Variants in FRMPD4 observed in about 807,000 individuals in gnomAD.
FRMPD4 encodes FERM and PDZ domain containing 4.
Under a neutral mutation model 94.1 loss-of-function variants are expected in FRMPD4, and 22 were observed. The observed-to-expected ratio is 0.23, with a 90% CI of 0.17 to 0.33. The LOEUF is 0.33. FRMPD4 is among the 10% of genes least tolerant of loss of function. The pLI is 1.00. For missense variants in FRMPD4, 1,111 were observed against 1,339.9 expected, an observed-to-expected ratio of 0.83 and a Z score of 2.67; for synonymous variants, 631 against 548.6, an observed-to-expected ratio of 1.15 and a Z score of -2.10.
At chrX:12,282,577 A>G (rs2054542081) in intron 1 of FRMPD4, among the ~76,000 whole-genome samples, 1 of 111,097 alleles carries the variant, frequency 9.0e-6, no homozygotes, top group African/African-American at 3.3e-5. Context: ...ATTCAAACAA[A>G]TCTAGTTTTA....
At chrX:12,456,562 A>T (rs5935349) in intron 1 of FRMPD4, among the ~76,000 whole-genome samples, 1 of 110,683 alleles carries the variant, frequency 9.0e-6, no homozygotes, top group Non-Finnish European at 1.9e-5. Context: ...AAACACAGAA[A>T]GAAATCACCA....
chrX:12,095,031 C>G (rs1423999215), intron 3 of FRMPD4, among the ~76,000 whole-genome samples: 1 of 111,471 alleles, frequency 9.0e-6, no homozygotes, highest in Non-Finnish European at 1.9e-5. Flanking sequence ...CTAAATTCAG[C>G]TCACTGTCTA....
chrX:11,933,650 A>G (rs1420168655), intron 3 of FRMPD4, among the ~76,000 whole-genome samples: 1 of 112,754 alleles, frequency 8.9e-6, no homozygotes, highest in Non-Finnish European at 1.9e-5. Context: ...TCAGGAGCCA[A>G]CTGTACTCAT....
intron 3 of FRMPD4, among the ~76,000 whole-genome samples, chrX:11,894,789 C>G (rs921941935): frequency 7.6e-4 from 85 of 112,193 alleles, no homozygotes; most frequent in African/African-American, 2.4e-3. Flanking sequence ...AGGCTCTTTC[C>G]AGGTAATGTT....
intron 1 of FRMPD4, among the ~76,000 whole-genome samples, chrX:11,863,180 C>T (rs1275152438): frequency 1.9e-5 from 2 of 107,517 alleles, no homozygotes; most frequent in African/African-American, 6.8e-5. Context: ...TCTCCCCCCA[C>T]CCCACAACAG....
In FRMPD4 at chrX:12,717,847, C is replaced by A; in HGVS notation, c.3021C>A (p.Val1007=). ...CTGAAACTATGGAGACTAAGTCGGT[C>A]ACTGACTATTTTAGCAAACTGCACA... is the stretch of plus-strand genomic sequence containing the variant. ...MEPETMETKS[V]TDYFSKLHMG... is the part of the protein sequence containing the mutation. Residue 1007 remains valine, a synonymous_variant, in exon 16 of 17, where the codon GTC becomes GTA. Transcript: ENST00000675598. 8.3e-7 allele frequency: 1 copy of A among 1,210,399 alleles called. No homozygotes were observed. Among genetic ancestry groups the A allele is most frequent in the South Asian group, 1.8e-5 (1 of 56,976 alleles).
At chrX:11,879,291 T>A (rs1477234844) in intron 3 of FRMPD4, among the ~76,000 whole-genome samples, 1 of 111,741 alleles carries the variant, frequency 8.9e-6, no homozygotes, top group Non-Finnish European at 1.9e-5. Flanking sequence ...TGATTGAATG[T>A]TTGGGCTCTG....
At chrX:12,575,055 C>T (rs778517284) in intron 2 of FRMPD4, among the ~76,000 whole-genome samples, 2 of 111,721 alleles carry the variant, frequency 1.8e-5, no homozygotes, top group East Asian at 2.8e-4. Context: ...AGAGAGACTG[C>T]CAGTCCCTTG....
chrX:12,710,391 T>C lies in FRMPD4; in HGVS notation c.1471-8T>C, dbSNP rs762713937. ...ATGGCTTTAACCAAAGTGTTCTCTT[T>C]TGTGTAGCCTATCACGCTTCTGATG... On this transcript the variant is annotated splice_polypyrimidine_tract_variant and splice_region_variant and intron_variant, in intron 13 of 16. Transcript: ENST00000675598. 6 of 1,195,236 alleles carry C rather than the reference T, an allele frequency of 5.0e-6. No individual in the cohort carries two copies. The East Asian group carries it at 1.5e-4, about 30-fold the overall frequency.
At chrX:12,282,097 T>G (rs186208695) in intron 1 of FRMPD4, among the ~76,000 whole-genome samples, 120 of 112,686 alleles carry the variant, frequency 1.1e-3, no homozygotes, top group African/African-American at 3.7e-3. Context: ...TATCCCTTCA[T>G]AGTGATTCTG....
chrX:11,914,395 G>A (rs1403299417), intron 3 of FRMPD4, among the ~76,000 whole-genome samples: 1 of 107,309 alleles, frequency 9.3e-6, no homozygotes, highest in Non-Finnish European at 1.9e-5. Context: ...TGCCAGGCAA[G>A]TAAACTAAAA....
intron 2 of FRMPD4, among the ~76,000 whole-genome samples, chrX:11,866,678 GT>G (rs2053721118): frequency 8.9e-6 from 1 of 111,967 alleles, no homozygotes; most frequent in Non-Finnish European, 1.9e-5. Context: ...CTTAAAATAG[GT>G]TTTTAAACAT....
chrX:12,162,040 T>C (rs2056035053), intron 1 of FRMPD4, among the ~76,000 whole-genome samples: 1 of 111,703 alleles, frequency 9.0e-6, no homozygotes, highest in African/African-American at 3.3e-5. Flanking sequence ...CTGCATTAAA[T>C]GAGTGTGATC....
intron 1 of FRMPD4, among the ~76,000 whole-genome samples, chrX:12,337,305 T>A (rs2055543087): frequency 8.9e-6 from 1 of 112,033 alleles, no homozygotes; most frequent in Non-Finnish European, 1.9e-5. Flanking sequence ...AAAATATCAT[T>A]ACTGTCATTG....
At chrX:12,525,400 A>G (rs1190206645) in intron 2 of FRMPD4, among the ~76,000 whole-genome samples, 1 of 111,944 alleles carries the variant, frequency 8.9e-6, no homozygotes. Context: ...GGCAACGTTA[A>G]GTCACACCCT....
rs1234166611 is a variant in FRMPD4 at position 11,935,269 on chromosome X, G to GTTTTTTTTTTTTTTTTTTTTTTTT, written c.95+57255_95+57278dup. ...TTGTTGTTTTTTTTTTTTTTAATGT[G>GTTTTTTTTTTTTTTTTTTTTTTTT]TTTTTTTTTTTTTTTTTTTTTTTTT... On this transcript the variant is annotated intron_variant, in intron 3 of 18. Transcript: ENST00000640291. 4.0e-4 allele frequency among the ~76,000 whole-genome samples: 2 copies of GTTTTTTTTTTTTTTTTTTTTTTTT among 5,012 alleles called. 1 individual carries two copies. The highest frequency in any genetic ancestry group is 1.7e-3 in the African/African-American group (2 of 1,144). 4.4% of individuals were successfully genotyped at this position (5,012 alleles called of 115,157 possible).
chrX:12,222,124 G>A (rs757530779), intron 1 of FRMPD4, among the ~76,000 whole-genome samples: 24 of 111,177 alleles, frequency 2.2e-4, no homozygotes, highest in Non-Finnish European at 4.0e-4. Flanking sequence ...CTTGAGCTTC[G>A]GAGTTCGAGA....
intron 1 of FRMPD4, among the ~76,000 whole-genome samples, chrX:12,414,087 A>G (rs1157780114): frequency 8.9e-6 from 1 of 112,759 alleles, no homozygotes; most frequent in East Asian, 2.8e-4. Context: ...GGCTAAATGA[A>G]AGGAATTTAA....
At chrX:12,267,221 C>A (rs2054289943) in intron 1 of FRMPD4, among the ~76,000 whole-genome samples, 1 of 111,873 alleles carries the variant, frequency 8.9e-6, no homozygotes, top group Admixed American at 9.5e-5. Flanking sequence ...AAGAAATGCC[C>A]TTTTTCTCCA....
Sources: allele counts gnomAD v4.1 joint callset (sites outside exome capture counted in the v4.1 genomes callset), GRCh38; gene constraint gnomAD v4.1.1; transcripts MANE v1.5; gene names NCBI Gene and HGNC (gene_info 2026-07-23, HGNC 2026-07-21).